Variants in AATF observed in about 807,000 individuals in gnomAD.
The protein encoded by AATF is protein AATF.
A neutral mutation model predicts 63.7 loss-of-function variants in AATF; 48 were observed. The ratio of observed to expected loss-of-function variants is 0.75; its 90% CI spans 0.60 to 0.96. The LOEUF is 0.96. AATF is among the 40% of genes least tolerant of loss of function. AATF has a pLI of 0.00. For synonymous variants in AATF, 258 were observed against 247.7 expected (o/e 1.04, Z -0.39); for missense variants, 639 against 685.7 (o/e 0.93, Z 0.76).
chr17:37,020,988 G>A lies in AATF; in HGVS notation c.1521G>A (p.Arg507=), dbSNP rs1306235085. The part of the protein sequence containing the change: ...LRSKIHKKVD[R]KASKGRKLRF... ...GCAAAATCCACAAAAAAGTAGATAGGAAAGCCAGCAAAGGCAGGAAACTTC... is the reference window on the plus strand; with the variant it reads ...GCAAAATCCACAAAAAAGTAGATAGAAAAGCCAGCAAAGGCAGGAAACTTC... The change falls in exon 10 of 12, where the codon AGG becomes AGA. Residue 507 remains arginine (R), a synonymous_variant. Transcript: ENST00000619387. 6 of 1,611,116 alleles carry A rather than the reference G, an allele frequency of 3.7e-6. No individual in the cohort carries two copies. In the African/African-American group the frequency reaches 6.7e-5, roughly 18 times the overall value.
intron 8 of AATF, among the ~76,000 whole-genome samples, chr17:36,997,840 A>G (rs1372318022): frequency 6.6e-6 from 1 of 152,224 alleles, no homozygotes; most frequent in Non-Finnish European, 1.5e-5. Flanking sequence ...CCCATCAATC[A>G]ACGAGTGGAT....
intron 4 of AATF, among the ~76,000 whole-genome samples, chr17:36,959,273 G>A (rs62072263): frequency 0.35 from 52,879 of 152,096 alleles, 11,170 homozygotes; most frequent in Non-Finnish European, 0.48. Flanking sequence ...ATGAAACACC[G>A]TCTCTACAAA....
Position 36,990,789 on chromosome 17 carries a change from G to C in AATF, c.1330G>C (p.Ala444Pro). The part of the protein sequence containing the change: ...LPGEPEILPQ[A>P]PANAHLKDLD... ...GTTAACATAGGAGATCCTTCCTCAAGCCCCTGCTAATGCTCATCTGAAGGA... is the reference window on the plus strand; with the variant it reads ...GTTAACATAGGAGATCCTTCCTCAACCCCCTGCTAATGCTCATCTGAAGGA... The change falls in exon 8 of 12, where the codon GCC becomes CCC. Residue 444 changes from alanine to proline, a missense_variant. Physicochemically the swap from Ala to Pro is conservative, Grantham distance 27. Transcript: ENST00000619387. 6.3e-7 allele frequency: 1 copy of C among 1,591,832 alleles called. No individual in the cohort carries two copies. Among genetic ancestry groups the C allele is most frequent in the Non-Finnish European group, 8.5e-7 (1 of 1,172,174 alleles).
intron 4 of AATF, among the ~76,000 whole-genome samples, chr17:36,957,068 A>T (rs1366993926): frequency 6.6e-6 from 1 of 152,198 alleles, no homozygotes; most frequent in Non-Finnish European, 1.5e-5. Context: ...GGTGTGGAAC[A>T]TAGGCTGAAT....
chr17:36,988,381 C>G (rs553400633), intron 5 of AATF, 138 bp from the exon 6 acceptor site: 2 of 782,304 alleles, frequency 2.6e-6, no homozygotes, highest in Admixed American at 5.7e-5. Context: ...AAAAGCCATC[C>G]TTATATCTTT....
At chr17:36,997,542 A>C (rs994825843) in intron 8 of AATF, among the ~76,000 whole-genome samples, 5 of 152,222 alleles carry the variant, frequency 3.3e-5, no homozygotes, top group African/African-American at 1.2e-4. Flanking sequence ...TTACTCCTGC[A>C]AGAATGGCCA....
chr17:37,053,822 C>T (rs1230977069), intron 11 of AATF, among the ~76,000 whole-genome samples: 4 of 152,026 alleles, frequency 2.6e-5, no homozygotes, highest in African/African-American at 9.7e-5. Flanking sequence ...GCCGAGATTG[C>T]GCCACTGCAC....
intron 11 of AATF, among the ~76,000 whole-genome samples, chr17:37,043,451 T>G (rs2071661132): frequency 6.6e-6 from 1 of 152,192 alleles, no homozygotes; most frequent in Non-Finnish European, 1.5e-5. Context: ...CCACTGAGCT[T>G]TCTTCTTTGA....
intron 11 of AATF, among the ~76,000 whole-genome samples, chr17:37,048,367 T>TC (rs2142323415): frequency 1.4e-5 from 2 of 138,808 alleles, no homozygotes; most frequent in South Asian, 4.8e-4. Flanking sequence ...TCTTTTCTTT[T>TC]TTTTTTTTTT....
chr17:37,021,821 ATAAT>A (rs138297986), intron 10 of AATF, among the ~76,000 whole-genome samples: 1 of 94,214 alleles, frequency 1.1e-5, no homozygotes, highest in East Asian at 2.4e-4. Flanking sequence ...AAAAAAAAAA[ATAAT>A]AATAATAATA....
chr17:37,053,566 G>A (rs2071771794), intron 11 of AATF, among the ~76,000 whole-genome samples: 1 of 152,144 alleles, frequency 6.6e-6, no homozygotes, highest in Non-Finnish European at 1.5e-5. Flanking sequence ...AGAAAAAGGT[G>A]CTATAAAATG....
chr17:36,961,354 A>G (rs1285045502), intron 4 of AATF, among the ~76,000 whole-genome samples: 1 of 152,240 alleles, frequency 6.6e-6, no homozygotes, highest in Middle Eastern at 3.2e-3. Flanking sequence ...AGCCACATGT[A>G]ATTTAAAATT....
chr17:36,990,758 C>A lies in AATF; in HGVS notation c.1315-16C>A. Reference sequence around the variant, plus strand: ...CTTGTTGGGATTCACTCTTTTCTTACTCATTGTTAACATAGGAGATCCTTC... The same window carrying A: ...CTTGTTGGGATTCACTCTTTTCTTAATCATTGTTAACATAGGAGATCCTTC... On this transcript the variant is annotated splice_polypyrimidine_tract_variant and intron_variant, in intron 7 of 11. Transcript: ENST00000619387. The A allele has an allele frequency of 6.5e-7, 1 of 1,540,132 alleles. No individual in the cohort carries two copies. The highest frequency in any genetic ancestry group is 8.8e-7 in the Non-Finnish European group (1 of 1,129,980).
chr17:36,952,935 A>T lies in AATF; in HGVS notation c.333A>T (p.Gly111=). The T allele has an allele frequency of 6.2e-7, 1 of 1,614,096 alleles. No individual in the cohort carries two copies. Among genetic ancestry groups the T allele is most frequent in the Non-Finnish European group, 8.5e-7 (1 of 1,180,038 alleles). ...GGTCTGGAGATGAAGATTCAGAGGG[A>T]CTGGGTCTGGAGGAATATGATGAGG... The part of the protein sequence containing the change: ...EEGSGDEDSE[G]LGLEEYDEDD... The change falls in exon 3 of 12, where the codon GGA becomes GGT. Residue 111 remains glycine, a synonymous_variant. Transcript: ENST00000619387.
At chr17:37,050,047 G>C (rs1375081173) in intron 11 of AATF, among the ~76,000 whole-genome samples, 2 of 152,180 alleles carry the variant, frequency 1.3e-5, no homozygotes, top group Admixed American at 6.5e-5. Context: ...AGGAGGAATG[G>C]AGGCAACTGA....
intron 8 of AATF, among the ~76,000 whole-genome samples, chr17:37,018,585 A>G (rs879606099): frequency 6.6e-6 from 1 of 152,230 alleles, no homozygotes. Flanking sequence ...ATAGTTCAGA[A>G]GTTAACCTTG....
intron 8 of AATF, among the ~76,000 whole-genome samples, chr17:37,002,825 CTT>C (rs975537723): frequency 1.6e-4 from 24 of 150,906 alleles, no homozygotes; most frequent in Admixed American, 1.2e-3. Flanking sequence ...GATTAGAAGA[CTT>C]AACATTATTA....
chr17:37,024,030 G>GA (rs1354161476), intron 10 of AATF, among the ~76,000 whole-genome samples: 1 of 151,766 alleles, frequency 6.6e-6, no homozygotes, highest in Non-Finnish European at 1.5e-5. Context: ...AGAATAATAA[G>GA]AAAAAAAATT....
At chr17:36,970,535 T>C (rs928890765) in intron 4 of AATF, among the ~76,000 whole-genome samples, 2 of 97,112 alleles carry the variant, frequency 2.1e-5, no homozygotes, top group African/African-American at 1.1e-4. Flanking sequence ...TCTTTCTTTC[T>C]TTTTTCTTTT....
Sources: allele counts gnomAD v4.1 joint callset (sites outside exome capture counted in the v4.1 genomes callset), GRCh38; gene constraint gnomAD v4.1.1; transcripts MANE v1.5; gene names NCBI Gene and HGNC (gene_info 2026-07-23, HGNC 2026-07-21).